The following PRKAR1B variants were observed in gnomAD, a reference collection of about 807,000 sequenced individuals.
PRKAR1B encodes protein kinase cAMP-dependent type I regulatory subunit beta.
In PRKAR1B, 22 loss-of-function variants were observed where a neutral mutation model predicts 46.5. That is an observed-to-expected ratio of 0.47 (90% CI 0.34 to 0.68). The LOEUF is 0.68. Ranked by LOEUF, PRKAR1B falls within the 30% of genes least tolerant of loss-of-function variation. The probability of loss-of-function intolerance (pLI) is 0.01; values close to 1 mark genes in which losing one functional copy is unlikely to be tolerated. For missense variants in PRKAR1B, 445 were observed against 535.6 expected (o/e 0.83, Z 1.67); for synonymous variants, 259 against 217.7 (o/e 1.19, Z -1.67).
intron 4 of PRKAR1B, among the ~76,000 whole-genome samples, chr7:664,112 A>T (rs1204883339): frequency 6.6e-6 from 1 of 151,860 alleles, no homozygotes; most frequent in Non-Finnish European, 1.5e-5. Flanking sequence ...GGCCCTCCCC[A>T]CGCAACCTTC....
At chr7:704,057 T>C (rs1481662728) in intron 2 of PRKAR1B, among the ~76,000 whole-genome samples, 1 of 152,172 alleles carries the variant, frequency 6.6e-6, no homozygotes, top group African/African-American at 2.4e-5. Context: ...CTGTGAAATA[T>C]AGTTAGAACA....
intron 4 of PRKAR1B, among the ~76,000 whole-genome samples, chr7:646,748 G>A (rs1018826708): frequency 5.3e-5 from 8 of 152,188 alleles, no homozygotes; most frequent in Admixed American, 2.6e-4. Context: ...CGACGGGGCC[G>A]CTACTGCACA....
At position 719,655 on chromosome 7, in the gene PRKAR1B, G is replaced by A. The variant is rs150406998; in HGVS notation, c.-23+7555C>T. On this transcript the variant is annotated intron_variant, in intron 1 of 10. Transcript: ENST00000537384. Reference sequence around the variant, plus strand: ...CTGTCATCCAGTTTATAGCTATTCCGTCTGGCAGTGTGTCTGGGGAAAGAA... The same window carrying A: ...CTGTCATCCAGTTTATAGCTATTCCATCTGGCAGTGTGTCTGGGGAAAGAA... Among the ~76,000 whole-genome samples, 238 of 152,130 alleles carry A rather than the reference G, an allele frequency of 1.6e-3. 2 individuals carry two copies. Among genetic ancestry groups the A allele is most frequent in the African/African-American group, 5.3e-3 (221 of 41,478 alleles).
intron 2 of PRKAR1B, among the ~76,000 whole-genome samples, chr7:705,095 C>A (rs1328728977): frequency 1.3e-5 from 2 of 151,940 alleles, no homozygotes; most frequent in African/African-American, 2.4e-5. Flanking sequence ...AGTTCAAGAC[C>A]AACCTGGCCA....
chr7:604,727 T>C (rs976438786), intron 6 of PRKAR1B, among the ~76,000 whole-genome samples: 4 of 152,082 alleles, frequency 2.6e-5, no homozygotes, highest in Non-Finnish European at 5.9e-5. Flanking sequence ...CTCCCCAGAA[T>C]AGCGTGGCCG....
At chr7:610,990 A>G (rs1434541089) in intron 4 of PRKAR1B, among the ~76,000 whole-genome samples, 2 of 152,238 alleles carry the variant, frequency 1.3e-5, no homozygotes, top group East Asian at 3.8e-4. Flanking sequence ...ACACGAAGAC[A>G]TTCCAGCCGG....
intron 9 of PRKAR1B, among the ~76,000 whole-genome samples, chr7:552,540 A>G (rs558651329): frequency 4.9e-4 from 74 of 149,626 alleles, no homozygotes; most frequent in South Asian, 2.8e-3. Flanking sequence ...ACCACATCCA[A>G]TGCTGCTGCT....
chr7:660,601 G>C (rs1188946909), intron 4 of PRKAR1B, among the ~76,000 whole-genome samples: 37 of 32,384 alleles, frequency 1.1e-3, no homozygotes, highest in Admixed American at 2.9e-3. Context: ...CCCAACAGAT[G>C]CAATTACCTA....
At chr7:650,652 T>A (rs1010500811) in intron 4 of PRKAR1B, among the ~76,000 whole-genome samples, 7 of 152,240 alleles carry the variant, frequency 4.6e-5, no homozygotes, top group Non-Finnish European at 2.9e-5. Flanking sequence ...GTGGGGGCTC[T>A]GCCTGGGGAC....
At chr7:654,338 A>T (rs984751712) in intron 4 of PRKAR1B, among the ~76,000 whole-genome samples, 4 of 148,868 alleles carry the variant, frequency 2.7e-5, no homozygotes, top group Admixed American at 6.7e-5. Flanking sequence ...CACTATCCTC[A>T]TCACCATCTT....
At chr7:678,551 A>G (rs1265764053) in intron 3 of PRKAR1B, among the ~76,000 whole-genome samples, 4 of 152,212 alleles carry the variant, frequency 2.6e-5, no homozygotes, top group Non-Finnish European at 4.4e-5. Context: ...CACTACGAAC[A>G]TTTCAGATGC....
At chr7:652,805 G>C (rs576321686) in intron 4 of PRKAR1B, among the ~76,000 whole-genome samples, 5 of 152,322 alleles carry the variant, frequency 3.3e-5, no homozygotes, top group African/African-American at 1.2e-4. Flanking sequence ...GGGTATTTTG[G>C]TTATTTATTG....
At chr7:713,173 T>G (rs897337987) in intron 1 of PRKAR1B, 2 of 153,018 alleles carry the variant, frequency 1.3e-5, no homozygotes, top group Non-Finnish European at 2.9e-5. Context: ...CGCACACCGT[T>G]GCCCCATCCT....
chr7:618,669 C>T (rs1452595592), intron 4 of PRKAR1B, among the ~76,000 whole-genome samples: 1 of 152,202 alleles, frequency 6.6e-6, no homozygotes, highest in Non-Finnish European at 1.5e-5. Context: ...AAGCTCTGAG[C>T]TGCTCTTCAA....
intron 4 of PRKAR1B, among the ~76,000 whole-genome samples, chr7:611,278 T>G (rs887216579): frequency 6.6e-6 from 1 of 152,170 alleles, no homozygotes; most frequent in African/African-American, 2.4e-5. Context: ...TCTCTCTGTC[T>G]CTCTCTCCAT....
intron 4 of PRKAR1B, among the ~76,000 whole-genome samples, chr7:622,667 A>T (rs191679392): frequency 1.3e-5 from 2 of 152,330 alleles, no homozygotes; most frequent in African/African-American, 2.4e-5. Context: ...GAACACACAG[A>T]GGCACATATG....
At chr7:726,184 A>G (rs1781263680) in intron 1 of PRKAR1B, among the ~76,000 whole-genome samples, 1 of 152,164 alleles carries the variant, frequency 6.6e-6, no homozygotes. Flanking sequence ...AGGCGAACCT[A>G]TTGGGCGGCT....
intron 9 of PRKAR1B, among the ~76,000 whole-genome samples, chr7:554,608 C>T (rs1043470956): frequency 3.3e-5 from 5 of 151,580 alleles, no homozygotes; most frequent in African/African-American, 1.2e-4. Context: ...GGGGAGGCCA[C>T]GGATCCCACA....
At chr7:661,556 C>G (rs1161881722) in intron 4 of PRKAR1B, among the ~76,000 whole-genome samples, 6 of 54,410 alleles carry the variant, frequency 1.1e-4, no homozygotes, top group Admixed American at 1.6e-4. Context: ...ACTCTCCCCC[C>G]CATGGCACAG....
Sources: allele counts gnomAD v4.1 joint callset (sites outside exome capture counted in the v4.1 genomes callset), GRCh38; gene constraint gnomAD v4.1.1; transcripts MANE v1.5; gene names NCBI Gene and HGNC (gene_info 2026-07-23, HGNC 2026-07-21).